LRCH2: variants seen among roughly 807,000 people sequenced by gnomAD.
LRCH2 encodes the protein leucine rich repeats and calponin homology domain containing 2, also known as leucine-rich repeat and calponin homology domain-containing protein 2.
In LRCH2, 38 loss-of-function variants were observed where a neutral mutation model predicts 68.9. The ratio of observed to expected loss-of-function variants is 0.55; its 90% CI spans 0.43 to 0.72. The LOEUF (loss-of-function observed/expected upper bound fraction) is 0.72. Among genes scored for constraint, LRCH2 ranks in the 30% least tolerant of loss-of-function variants. LRCH2 has a pLI of 0.00. For synonymous variants in LRCH2, 191 were observed against 208.1 expected, an observed-to-expected ratio of 0.92 and a Z score of 0.71; for missense variants, 528 against 572.9, an observed-to-expected ratio of 0.92 and a Z score of 0.80.
chrX:115,148,930 A>C, intron 14 of LRCH2, among the ~76,000 whole-genome samples: 1 of 111,990 alleles, frequency 8.9e-6, no homozygotes, highest in Middle Eastern at 4.7e-3. Context: ...TATAGAAACA[A>C]ACAAATGTGC....
intron 16 of LRCH2, among the ~76,000 whole-genome samples, chrX:115,125,479 A>G (rs1305667097): frequency 0.097 from 7 of 72 alleles, 1 homozygote; most frequent in African/African-American, 0.14. Context: ...ATATATATAT[A>G]TATATATATA....
Position 115,113,263 on chromosome X carries a change from G to C in LRCH2, c.2251C>G (p.Leu751Val). ...LVKVGVTVQA[L>V]LELPTTKASQ... Reference sequence around the variant, plus strand: ...GCCTTGGTTGTTGGTAATTCAAGGAGCGCCTGAACTGTGACACCAACTTTC... The same window carrying C: ...GCCTTGGTTGTTGGTAATTCAAGGACCGCCTGAACTGTGACACCAACTTTC... Residue 751 changes from leucine to valine, a missense_variant, in exon 21 of 21, where the codon CTC (leucine) becomes GTC (valine). Coordinates refer to ENST00000317135, the MANE Select transcript of LRCH2 (RefSeq NM_020871.4). 1 of 1,197,240 alleles carries C rather than the reference G, an allele frequency of 8.4e-7. No homozygotes were observed.
rs1246119451 is a variant in LRCH2 at position 115,231,773 on chromosome X, T to G, written c.349+1920A>C. Among the ~76,000 whole-genome samples the G allele has an allele frequency of 5.4e-5, 6 of 111,989 alleles. No homozygotes were observed. The East Asian group carries it at 1.4e-3, about 26-fold the overall frequency. Reference sequence around the variant, plus strand: ...CAAATACAATAAAGGGGATATATAATAAGAAGACTGAACAAGTATATGGCT... The same window carrying G: ...CAAATACAATAAAGGGGATATATAAGAAGAAGACTGAACAAGTATATGGCT... On this transcript the variant is annotated intron_variant, in intron 1 of 20. Transcript: ENST00000317135.
chrX:115,197,156 G>C (rs782291998), intron 1 of LRCH2, among the ~76,000 whole-genome samples: 1 of 112,034 alleles, frequency 8.9e-6, no homozygotes, highest in African/African-American at 3.2e-5. Context: ...CCATCCACGT[G>C]AAAGTTATTT....
At chrX:115,125,508 T>C (rs1327605221) in intron 16 of LRCH2, among the ~76,000 whole-genome samples, 1 of 123 alleles carries the variant, frequency 8.1e-3, no homozygotes. Context: ...TATATATATA[T>C]ATATATATAT....
At chrX:115,171,933 G>A (rs997384527) in intron 5 of LRCH2, among the ~76,000 whole-genome samples, 2 of 109,955 alleles carry the variant, frequency 1.8e-5, no homozygotes, top group African/African-American at 6.6e-5. Context: ...CTCCCACCTC[G>A]GCCTCACAAA....
At chrX:115,171,530 T>TA (rs782201167) in intron 5 of LRCH2, among the ~76,000 whole-genome samples, 2 of 111,341 alleles carry the variant, frequency 1.8e-5, no homozygotes, top group Non-Finnish European at 3.8e-5. Flanking sequence ...AAATTTATCT[T>TA]AATTACCAAA....
chrX:115,117,071 A>G (rs1023993689), intron 20 of LRCH2, among the ~76,000 whole-genome samples: 1 of 111,660 alleles, frequency 9.0e-6, no homozygotes, highest in Non-Finnish European at 1.9e-5. Flanking sequence ...CAATCATAGG[A>G]AAATAAACAA....
chrX:115,123,823 A>G (rs1556526764), intron 17 of LRCH2, 122 bp downstream of exon 17: 1 of 380,291 alleles, frequency 2.6e-6, no homozygotes, highest in Admixed American at 5.4e-5. Flanking sequence ...TTAAGAGAAA[A>G]TTGCTTTTAG....
intron 12 of LRCH2, among the ~76,000 whole-genome samples, chrX:115,151,672 T>C (rs1284679985): frequency 9.0e-6 from 1 of 111,572 alleles, no homozygotes; most frequent in Non-Finnish European, 1.9e-5. Flanking sequence ...TGACCAGATT[T>C]ATATCCTGAC....
intron 1 of LRCH2, among the ~76,000 whole-genome samples, chrX:115,197,535 T>G (rs782029308): frequency 1.4e-4 from 15 of 110,952 alleles, no homozygotes; most frequent in African/African-American, 4.9e-4. Flanking sequence ...GAGGACTGCT[T>G]GAGCCCAGGT....
chrX:115,188,458 T>C, intron 1 of LRCH2, 88 bp from the exon 2 acceptor site: 1 of 609,968 alleles, frequency 1.6e-6, no homozygotes. Flanking sequence ...TCACTTAGAA[T>C]CTAAGCAACT....
At chrX:115,227,531 T>C (rs2073127030) in intron 1 of LRCH2, among the ~76,000 whole-genome samples, 1 of 110,034 alleles carries the variant, frequency 9.1e-6, no homozygotes, top group African/African-American at 3.3e-5. Flanking sequence ...AAGGACACAG[T>C]CATCTATGTT....
intron 14 of LRCH2, among the ~76,000 whole-genome samples, chrX:115,136,352 G>A (rs1161779840): frequency 1.8e-5 from 2 of 111,661 alleles, no homozygotes; most frequent in Non-Finnish European, 3.8e-5. Context: ...AAATGGCACA[G>A]TATTTGCATA....
intron 1 of LRCH2, among the ~76,000 whole-genome samples, chrX:115,225,380 C>T (rs180982656): frequency 1.0e-3 from 111 of 110,823 alleles, no homozygotes; most frequent in African/African-American, 3.6e-3. Flanking sequence ...TGAGCCCCAA[C>T]ATAGGTAAGG....
Position 115,113,341 on chromosome X carries a change from GAAAA to G in LRCH2, c.2179-10_2179-7del, listed in dbSNP as rs781862518. 21 of 1,152,778 alleles carry G rather than the reference GAAAA, an allele frequency of 1.8e-5. No individual in the cohort carries two copies. Among genetic ancestry groups the G allele is most frequent in the Non-Finnish European group, 2.4e-5 (21 of 863,033 alleles). On this transcript the variant is annotated splice_region_variant and splice_polypyrimidine_tract_variant and intron_variant, in intron 20 of 20. Transcript: ENST00000317135. ...TGAGGCAAACAAAGTCTTTCCTGGA[GAAAA>G]AAAAGAGATATTTGAACATTCATTT...
chrX:115,207,618 A>T (rs2147349783), intron 1 of LRCH2, among the ~76,000 whole-genome samples: 1 of 112,026 alleles, frequency 8.9e-6, no homozygotes, highest in South Asian at 3.8e-4. Context: ...ACAATTTCAA[A>T]GCCTACCTTC....
At chrX:115,222,365 C>T (rs980221917) in intron 1 of LRCH2, among the ~76,000 whole-genome samples, 26 of 112,122 alleles carry the variant, frequency 2.3e-4, no homozygotes, top group African/African-American at 8.4e-4. Flanking sequence ...TGTCCACTTT[C>T]ACAGCATCTG....
chrX:115,166,495 T>C (rs2147389951), intron 6 of LRCH2, among the ~76,000 whole-genome samples, 153 bp from the exon 7 acceptor site: 1 of 111,275 alleles, frequency 9.0e-6, no homozygotes, highest in African/African-American at 3.2e-5. Context: ...ATCAGAACTC[T>C]TCCTACAAAA....
Sources: allele counts gnomAD v4.1 joint callset (sites outside exome capture counted in the v4.1 genomes callset), GRCh38; gene constraint gnomAD v4.1.1; transcripts MANE v1.5; gene names NCBI Gene and HGNC (gene_info 2026-07-23, HGNC 2026-07-21).